HDAC9: variants seen among roughly 807,000 people sequenced by gnomAD.
The protein encoded by HDAC9 is histone deacetylase 9.
In HDAC9, 41 loss-of-function variants were observed where a neutral mutation model predicts 139.4. That is an observed-to-expected ratio of 0.29 (90% CI 0.23 to 0.38). HDAC9 has a LOEUF of 0.38. Ranked by LOEUF, HDAC9 falls within the 10% of genes least tolerant of loss-of-function variation. The pLI is 1.00. For missense variants in HDAC9, 1,147 were observed against 1,297.0 expected, an observed-to-expected ratio of 0.88 and a Z score of 1.78; for synonymous variants, 517 against 476.2, an observed-to-expected ratio of 1.09 and a Z score of -1.12.
chr7:18,923,029 T>G (rs1803898999), intron 22 of HDAC9, among the ~76,000 whole-genome samples: 1 of 152,076 alleles, frequency 6.6e-6, no homozygotes, highest in Admixed American at 6.6e-5. Context: ...ATGGTGATAA[T>G]GATAAAAGCT....
intron 1 of HDAC9, among the ~76,000 whole-genome samples, chr7:18,120,077 G>C (rs560612564): frequency 3.3e-5 from 5 of 152,266 alleles, no homozygotes; most frequent in South Asian, 4.1e-4. Flanking sequence ...AGTGACTACT[G>C]TCTAGTAAAC....
chr7:18,887,914 G>T (rs1800309807), intron 22 of HDAC9, among the ~76,000 whole-genome samples: 1 of 152,100 alleles, frequency 6.6e-6, no homozygotes, highest in African/African-American at 2.4e-5. Flanking sequence ...ATCAGGAGTT[G>T]CAGTGGTTCT....
intron 22 of HDAC9, among the ~76,000 whole-genome samples, chr7:18,929,871 G>A (rs1006502758): frequency 6.6e-6 from 1 of 151,966 alleles, no homozygotes; most frequent in African/African-American, 2.4e-5. Flanking sequence ...CCCGGGAGGT[G>A]GAGGTTGCAG....
intron 1 of HDAC9, among the ~76,000 whole-genome samples, chr7:18,390,733 T>C (rs760697798): frequency 3.9e-5 from 6 of 152,218 alleles, no homozygotes; most frequent in South Asian, 2.1e-4. Flanking sequence ...AAGTGACTTA[T>C]GAGAATATAT....
chr7:18,397,910 A>T (rs1562951130), intron 1 of HDAC9, among the ~76,000 whole-genome samples: 1 of 152,170 alleles, frequency 6.6e-6, no homozygotes. Context: ...GCAGCCTCCC[A>T]AACCAGGTAT....
At chr7:18,565,444 A>C (rs1821988398) in intron 2 of HDAC9, among the ~76,000 whole-genome samples, 2 of 152,220 alleles carry the variant, frequency 1.3e-5, no homozygotes, top group African/African-American at 4.8e-5. Flanking sequence ...TGCTCACAAG[A>C]TTACTTAATC....
chr7:18,356,109 TAAA>T (rs1406158383), intron 1 of HDAC9, among the ~76,000 whole-genome samples: 1 of 151,944 alleles, frequency 6.6e-6, no homozygotes, highest in African/African-American at 2.4e-5. Context: ...AAAATGCATG[TAAA>T]AAAACTAAAA....
At chr7:18,509,472 C>G (rs1056975796) in intron 2 of HDAC9, 2 of 983,188 alleles carry the variant, frequency 2.0e-6, no homozygotes, top group African/African-American at 3.5e-5. Flanking sequence ...TTTTTTCCCC[C>G]GAGTGATTAT....
At chr7:18,795,375 G>C (rs976790076) in intron 17 of HDAC9, among the ~76,000 whole-genome samples, 5 of 151,818 alleles carry the variant, frequency 3.3e-5, no homozygotes, top group African/African-American at 1.2e-4. Flanking sequence ...ACTTTTCTGG[G>C]GCTCAATTTC....
intron 19 of HDAC9, among the ~76,000 whole-genome samples, chr7:18,834,469 T>C (rs1007549581): frequency 1.3e-5 from 2 of 151,876 alleles, no homozygotes; most frequent in African/African-American, 2.4e-5. Flanking sequence ...ATATCAATTC[T>C]GGCACGTATC....
At chr7:18,262,952 AAGAC>A (rs944746731) in intron 2 of HDAC9, among the ~76,000 whole-genome samples, 33 of 152,150 alleles carry the variant, frequency 2.2e-4, no homozygotes, top group African/African-American at 6.8e-4. Flanking sequence ...AGAGGACAAA[AAGAC>A]AGCATATAGA....
intron 2 of HDAC9, among the ~76,000 whole-genome samples, chr7:18,569,063 T>TAAAATAAAATAAAATA (rs150556087): frequency 6.6e-6 from 1 of 151,266 alleles, no homozygotes; most frequent in Non-Finnish European, 1.5e-5. Flanking sequence ...AATAAATAAA[T>TAAAATAAAATAAAATA]AAATAAAATA....
intron 1 of HDAC9, among the ~76,000 whole-genome samples, chr7:18,352,076 T>C (rs557053759): frequency 6.6e-6 from 1 of 152,322 alleles, no homozygotes; most frequent in South Asian, 2.1e-4. Context: ...CCCTTCAAGC[T>C]TCAGTTAAGT....
At chr7:18,110,013 G>A (rs2128081887) in intron 1 of HDAC9, among the ~76,000 whole-genome samples, 1 of 152,104 alleles carries the variant, frequency 6.6e-6, no homozygotes, top group African/African-American at 2.4e-5. Context: ...TGTTTTTTTG[G>A]CCTCACTTGA....
At chr7:18,699,028 CTG>C (rs1211887657) in intron 12 of HDAC9, among the ~76,000 whole-genome samples, 1 of 152,156 alleles carries the variant, frequency 6.6e-6, no homozygotes, top group African/African-American at 2.4e-5. Context: ...TCTTCAGACT[CTG>C]TTCCTCTTCA....
intron 2 of HDAC9, among the ~76,000 whole-genome samples, chr7:18,574,277 C>A (rs1323688631): frequency 6.6e-6 from 1 of 152,166 alleles, no homozygotes; most frequent in Non-Finnish European, 1.5e-5. Context: ...AGTCAGTAGT[C>A]CAGACATCTG....
intron 2 of HDAC9, among the ~76,000 whole-genome samples, chr7:18,238,647 A>G (rs1793986146): frequency 6.6e-6 from 1 of 152,330 alleles, no homozygotes; most frequent in Non-Finnish European, 1.5e-5. Context: ...ACCCAGGAAT[A>G]AAATTAGGCT....
intron 6 of HDAC9, among the ~76,000 whole-genome samples, chr7:18,604,181 A>G (rs1162563437): frequency 6.6e-6 from 1 of 152,092 alleles, no homozygotes. Flanking sequence ...GATAATTCCC[A>G]GCCATTATTA....
chr7:18,632,426 G>C (rs1584383513), intron 7 of HDAC9, among the ~76,000 whole-genome samples: 1 of 152,046 alleles, frequency 6.6e-6, no homozygotes, highest in African/African-American at 2.4e-5. Flanking sequence ...TGTTCTGAGA[G>C]AGGGTAAGAA....
Sources: allele counts gnomAD v4.1 joint callset (sites outside exome capture counted in the v4.1 genomes callset), GRCh38; gene constraint gnomAD v4.1.1; transcripts MANE v1.5; gene names NCBI Gene and HGNC (gene_info 2026-07-23, HGNC 2026-07-21).